Variants in RAB3C observed in about 807,000 individuals in gnomAD.
The protein encoded by RAB3C is ras-related protein Rab-3C.
Under a neutral mutation model 26.4 loss-of-function variants are expected in RAB3C, and 17 were observed. The observed-to-expected ratio is 0.64, with a 90% CI of 0.44 to 0.97. RAB3C has a LOEUF of 0.97. Among genes scored for constraint, RAB3C ranks in the 50% least tolerant of loss-of-function variants. RAB3C has a pLI of 0.00. For synonymous variants in RAB3C, 91 were observed against 95.9 expected, an observed-to-expected ratio of 0.95 and a Z score of 0.30; for missense variants, 242 against 281.9, an observed-to-expected ratio of 0.86 and a Z score of 1.01.
chr5:58,629,822 C>A (rs1042891164), intron 2 of RAB3C, among the ~76,000 whole-genome samples: 1 of 152,186 alleles, frequency 6.6e-6, no homozygotes, highest in African/African-American at 2.4e-5. Flanking sequence ...AGTGATTAAT[C>A]AAGTCCTGGA....
intron 3 of RAB3C, among the ~76,000 whole-genome samples, chr5:58,783,089 A>G (rs146460642): frequency 7.9e-5 from 12 of 152,222 alleles, no homozygotes; most frequent in African/African-American, 2.9e-4. Context: ...TTAATATAGT[A>G]CTGGCAGGTC....
intron 2 of RAB3C, among the ~76,000 whole-genome samples, chr5:58,677,693 A>G (rs1748256824): frequency 6.6e-6 from 1 of 152,230 alleles, no homozygotes; most frequent in African/African-American, 2.4e-5. Context: ...TTAAGTTTAT[A>G]ACTAGAAGAT....
At chr5:58,729,749 AT>A (rs1229908223) in intron 3 of RAB3C, among the ~76,000 whole-genome samples, 28 of 141,448 alleles carry the variant, frequency 2.0e-4, no homozygotes, top group African/African-American at 7.4e-4. Flanking sequence ...TTATATTTAT[AT>A]TTATATATAT....
intron 3 of RAB3C, among the ~76,000 whole-genome samples, chr5:58,805,443 G>T (rs999014618): frequency 6.6e-6 from 1 of 151,632 alleles, no homozygotes; most frequent in Non-Finnish European, 1.5e-5. Context: ...AAATTAGCCA[G>T]GTGTGGTAGT....
At chr5:58,832,049 C>T (rs1361310675) in intron 4 of RAB3C, among the ~76,000 whole-genome samples, 2 of 152,120 alleles carry the variant, frequency 1.3e-5, no homozygotes, top group African/African-American at 2.4e-5. Context: ...GCAGATTAGC[C>T]CAGAGAGCCA....
At chr5:58,832,675 A>T (rs1579943807) in intron 4 of RAB3C, among the ~76,000 whole-genome samples, 1 of 152,332 alleles carries the variant, frequency 6.6e-6, no homozygotes, top group South Asian at 2.1e-4. Context: ...GCTCTGAGAA[A>T]GGTCACACTG....
At chr5:58,671,211 T>C (rs1036175511) in intron 2 of RAB3C, among the ~76,000 whole-genome samples, 1 of 152,112 alleles carries the variant, frequency 6.6e-6, no homozygotes, top group South Asian at 2.1e-4. Flanking sequence ...CAGGCACTGA[T>C]CAAAGCACGC....
intron 4 of RAB3C, among the ~76,000 whole-genome samples, chr5:58,839,080 G>C (rs1743816313): frequency 6.6e-6 from 1 of 150,598 alleles, no homozygotes; most frequent in African/African-American, 2.4e-5. Flanking sequence ...TTCACTTTTT[G>C]TCTATGTGTG....
intron 3 of RAB3C, among the ~76,000 whole-genome samples, chr5:58,812,029 C>T (rs183221507): frequency 7.2e-5 from 11 of 152,248 alleles, no homozygotes; most frequent in Admixed American, 7.2e-4. Flanking sequence ...AGGCTACTGA[C>T]TTTCTGAGCC....
intron 3 of RAB3C, among the ~76,000 whole-genome samples, chr5:58,821,094 A>T (rs1228902742): frequency 6.6e-6 from 1 of 152,172 alleles, no homozygotes; most frequent in Non-Finnish European, 1.5e-5. Flanking sequence ...CCCAGGTCAG[A>T]AGAGTGCCAA....
At chr5:58,590,766 A>G (rs1271962088) in intron 1 of RAB3C, among the ~76,000 whole-genome samples, 1 of 152,044 alleles carries the variant, frequency 6.6e-6, no homozygotes, top group Non-Finnish European at 1.5e-5. Context: ...GCTGGTCTTG[A>G]ACTCCTGGCC....
chr5:58,608,631 A>C (rs562157035), intron 1 of RAB3C, among the ~76,000 whole-genome samples: 2 of 152,230 alleles, frequency 1.3e-5, no homozygotes, highest in African/African-American at 2.4e-5. Flanking sequence ...ACAGTGTGGC[A>C]GTTCCTCAAG....
intron 1 of RAB3C, among the ~76,000 whole-genome samples, chr5:58,612,530 ATATATATATATATATATG>A (rs1471417919): frequency 0.016 from 1,080 of 69,280 alleles, 17 homozygotes; most frequent in East Asian, 0.097. Flanking sequence ...GTATATATAT[ATATATATATATATATATG>A]TATATATATA....
At chr5:58,727,534 A>AAAATG (rs1185671696) in intron 3 of RAB3C, among the ~76,000 whole-genome samples, 11 of 152,158 alleles carry the variant, frequency 7.2e-5, no homozygotes, top group African/African-American at 2.2e-4. Flanking sequence ...GATTTTGTAC[A>AAAATG]AAATGAAATG....
chr5:58,702,012 G>C (rs1426068456), intron 2 of RAB3C, among the ~76,000 whole-genome samples: 1 of 152,166 alleles, frequency 6.6e-6, no homozygotes, highest in Non-Finnish European at 1.5e-5. Flanking sequence ...CTTTTAGTAA[G>C]ATGCAAATCT....
intron 1 of RAB3C, 161 bp downstream of exon 1, chr5:58,583,393 G>A (rs1316136237): frequency 5.2e-6 from 5 of 956,240 alleles, no homozygotes; most frequent in Non-Finnish European, 6.2e-6. Context: ...GTTTCTTTAC[G>A]CTCTGTGTGG....
intron 3 of RAB3C, among the ~76,000 whole-genome samples, chr5:58,774,037 C>T (rs1697471274): frequency 6.6e-6 from 1 of 152,168 alleles, no homozygotes; most frequent in African/African-American, 2.4e-5. Context: ...TCCTGGAGCT[C>T]TCCTCCCTTT....
chr5:58,795,503 A>G (rs545253734), intron 3 of RAB3C, among the ~76,000 whole-genome samples: 1 of 152,286 alleles, frequency 6.6e-6, no homozygotes, highest in East Asian at 1.9e-4. Context: ...GTAACTTTCA[A>G]CCAAAAGTTT....
intron 3 of RAB3C, among the ~76,000 whole-genome samples, chr5:58,777,223 G>A (rs1167205771): frequency 6.6e-6 from 1 of 152,052 alleles, no homozygotes; most frequent in Non-Finnish European, 1.5e-5. Flanking sequence ...GCATCCAGGA[G>A]AAAGTCCAAG....
Sources: gnomAD v4.1 joint callset for allele counts (sites outside exome capture counted in the v4.1 genomes callset) on GRCh38, gnomAD v4.1.1 for gene constraint, MANE v1.5 for transcripts, NCBI Gene and HGNC (gene_info 2026-07-23, HGNC 2026-07-21) for gene names.